The following GRIN2A variants were observed in gnomAD, a reference collection of about 807,000 sequenced individuals.
GRIN2A encodes the protein glutamate ionotropic receptor NMDA type subunit 2A.
GRIN2A carries 22 observed loss-of-function variants against 113.4 expected under a neutral mutation model. That is an observed-to-expected ratio of 0.19 (90% CI 0.14 to 0.28). The LOEUF (loss-of-function observed/expected upper bound fraction) is 0.28. Among genes scored for constraint, GRIN2A ranks in the 10% least tolerant of loss-of-function variants. The pLI is 1.00. For synonymous variants in GRIN2A, 827 were observed against 738.4 expected (o/e 1.12, Z -1.94); for missense variants, 1,502 against 1,887.0 (o/e 0.80, Z 3.78).
intron 11 of GRIN2A, among the ~76,000 whole-genome samples, chr16:9,772,242 A>G (rs574217395): frequency 5.3e-5 from 8 of 152,204 alleles, no homozygotes; most frequent in African/African-American, 1.7e-4. Flanking sequence ...ACTATCTCAA[A>G]CTCATCCAGA....
At chr16:10,111,673 G>C (rs971801053) in intron 2 of GRIN2A, 2 of 1,567,638 alleles carry the variant, frequency 1.3e-6, no homozygotes, top group East Asian at 2.2e-5. Context: ...CTGCACCCCA[G>C]AGTTCCAGGC....
chr16:9,920,014 C>T (rs540111464), intron 3 of GRIN2A, among the ~76,000 whole-genome samples: 5 of 152,342 alleles, frequency 3.3e-5, no homozygotes, highest in East Asian at 1.9e-4. Flanking sequence ...CTCTCTGCTC[C>T]GTTTCTCTTC....
intron 4 of GRIN2A, among the ~76,000 whole-genome samples, chr16:9,889,730 G>C (rs1186078816): frequency 6.6e-6 from 1 of 152,110 alleles, no homozygotes; most frequent in African/African-American, 2.4e-5. Context: ...TTAGAAGTGT[G>C]TTGCCATTTC....
At position 10,180,776 on chromosome 16, in the gene GRIN2A, G is replaced by C. The variant is rs1407016804; in HGVS notation, c.-18-347C>G. The C allele has an allele frequency of 6.9e-6, 3 of 435,322 alleles. No individual in the cohort carries two copies. Among genetic ancestry groups the C allele is most frequent in the Non-Finnish European group, 1.3e-5 (3 of 233,010 alleles). 27.0% of individuals were successfully genotyped at this position (435,322 alleles called of 1,614,324 possible). The stretch of plus-strand genomic sequence containing the variant: ...GGGCCACAGACCCTAAGCGCCGCGC[G>C]TGTTCTGTACCCCACCAAGCTCCTA... On this transcript the variant is annotated intron_variant, in intron 1 of 12. Coordinates refer to ENST00000330684, the MANE Select transcript of GRIN2A (RefSeq NM_001134407.3). The surrounding 1 kb of genome is among the most constrained non-coding windows in gnomAD (Gnocchi z 7.0).
chr16:9,975,989 C>G (rs2045767504), intron 2 of GRIN2A, among the ~76,000 whole-genome samples: 1 of 152,118 alleles, frequency 6.6e-6, no homozygotes, highest in Non-Finnish European at 1.5e-5. Flanking sequence ...AACTTAATAA[C>G]AGAACCCCCA....
At chr16:9,910,951 C>T (rs1309480765) in intron 3 of GRIN2A, among the ~76,000 whole-genome samples, 6 of 151,834 alleles carry the variant, frequency 4.0e-5, no homozygotes, top group African/African-American at 1.5e-4. Flanking sequence ...GACCTCAGTA[C>T]CTCTCCAAAA....
At chr16:9,991,601 T>C (rs143896178) in intron 2 of GRIN2A, among the ~76,000 whole-genome samples, 2 of 152,126 alleles carry the variant, frequency 1.3e-5, no homozygotes, top group African/African-American at 4.8e-5. Flanking sequence ...ACCCTCTGTG[T>C]CCATGTGTAT....
chr16:10,001,455 C>G (rs190826800), intron 2 of GRIN2A, among the ~76,000 whole-genome samples: 1 of 152,260 alleles, frequency 6.6e-6, no homozygotes, highest in East Asian at 1.9e-4. Flanking sequence ...GTCAGTAGAC[C>G]AATGATGTCA....
At chr16:10,165,463 AT>A (rs1022524641) in intron 2 of GRIN2A, among the ~76,000 whole-genome samples, 19 of 146,750 alleles carry the variant, frequency 1.3e-4, no homozygotes, top group Admixed American at 3.4e-4. Flanking sequence ...ATTAGCTGTG[AT>A]TTTTTTCAAC....
At position 9,938,265 on chromosome 16, in the gene GRIN2A, T is replaced by G. The variant is rs780042633; in HGVS notation, c.701A>C (p.Asp234Ala). Residue 234 changes from aspartate (D) to alanine (A), a missense_variant, in exon 3 of 13, where the codon GAC (aspartate) becomes GCC (alanine). Transcript: ENST00000330684. ...CTCACTCAGAATGAGAACAGCCTCG[T>G]CTTTGGAACAGTAGAGCAAGATGAC... ...SSVILLYCSKDEAVLILSEAR... is the reference protein window; with the variant it reads ...SSVILLYCSKAEAVLILSEAR... The G allele has an allele frequency of 6.2e-7, 1 of 1,614,138 alleles. No homozygotes were observed. The highest frequency in any genetic ancestry group is 8.5e-7 in the Non-Finnish European group (1 of 1,179,972).
intron 3 of GRIN2A, among the ~76,000 whole-genome samples, chr16:9,892,598 G>A (rs144064044): frequency 6.6e-6 from 1 of 152,236 alleles, no homozygotes; most frequent in South Asian, 2.1e-4. Flanking sequence ...TTTTGGTCTA[G>A]GTGTTTTCAT....
rs58076569 is a variant in GRIN2A at position 10,034,535 on chromosome 16, C to CAAAAAAAAAAAAAAAAAAAA, written c.415-96004_415-95985dup. ...AGTGAGACCCCACGTCAAAAAAAAG[C>CAAAAAAAAAAAAAAAAAAAA]AAAAAAAAAAAAAAAAAAAAAAAAA... is the stretch of plus-strand genomic sequence containing the variant. On this transcript the variant is annotated intron_variant, in intron 2 of 12. Coordinates refer to ENST00000330684, the MANE Select transcript of GRIN2A (RefSeq NM_001134407.3). Among the ~76,000 whole-genome samples the CAAAAAAAAAAAAAAAAAAAA allele has an allele frequency of 8.2e-5, 3 of 36,430 alleles. 1 individual carries two copies. Among genetic ancestry groups the CAAAAAAAAAAAAAAAAAAAA allele is most frequent in the African/African-American group, 3.3e-4 (3 of 8,978 alleles). 23.9% of individuals were successfully genotyped at this position (36,430 alleles called of 152,430 possible).
intron 2 of GRIN2A, among the ~76,000 whole-genome samples, chr16:10,104,714 C>T (rs908222836): frequency 3.9e-5 from 6 of 152,094 alleles, no homozygotes; most frequent in Non-Finnish European, 7.4e-5. Context: ...GCAAAGCATA[C>T]CGAAAAATAA....
intron 2 of GRIN2A, among the ~76,000 whole-genome samples, chr16:9,950,254 C>T (rs1219295608): frequency 6.6e-6 from 1 of 152,142 alleles, no homozygotes; most frequent in Non-Finnish European, 1.5e-5. Flanking sequence ...AATCTCTAGC[C>T]CACTCCCAAG....
intron 2 of GRIN2A, among the ~76,000 whole-genome samples, chr16:10,170,679 C>G (rs1013132244): frequency 6.6e-6 from 1 of 152,014 alleles, no homozygotes; most frequent in Non-Finnish European, 1.5e-5. Flanking sequence ...AGTTCAAGAC[C>G]AGCCTGGGCA....
chr16:10,060,000 T>C (rs890865174), intron 2 of GRIN2A, among the ~76,000 whole-genome samples: 5 of 151,862 alleles, frequency 3.3e-5, no homozygotes, highest in African/African-American at 9.7e-5. Flanking sequence ...ATTACCAAAG[T>C]TCAGAAGCTG....
intron 4 of GRIN2A, among the ~76,000 whole-genome samples, chr16:9,884,116 C>T (rs1354786861): frequency 6.6e-6 from 1 of 152,104 alleles, no homozygotes; most frequent in Non-Finnish European, 1.5e-5. Flanking sequence ...TTAGCTTTTC[C>T]ACAGTGTACA....
chr16:10,072,404 C>G (rs910213114), intron 2 of GRIN2A, among the ~76,000 whole-genome samples: 1 of 152,238 alleles, frequency 6.6e-6, no homozygotes, highest in Non-Finnish European at 1.5e-5. Context: ...AATTTTATGG[C>G]TCCGATGCCT....
chr16:9,791,837 T>C (rs1182202176), intron 11 of GRIN2A, among the ~76,000 whole-genome samples: 1 of 151,912 alleles, frequency 6.6e-6, no homozygotes, highest in Non-Finnish European at 1.5e-5. Context: ...ACTGACCCAC[T>C]CAGAGGGAGA....
Sources: allele counts gnomAD v4.1 joint callset (sites outside exome capture counted in the v4.1 genomes callset), GRCh38; gene constraint gnomAD v4.1.1; non-coding constraint Gnocchi (gnomAD v3.1); transcripts MANE v1.5; gene names NCBI Gene and HGNC (gene_info 2026-07-23, HGNC 2026-07-21).